VAV3: variants seen among roughly 807,000 people sequenced by gnomAD.
The protein encoded by VAV3 is guanine nucleotide exchange factor VAV3.
A neutral mutation model predicts 131.2 loss-of-function variants in VAV3; 94 were observed. The observed-to-expected ratio is 0.72, with a 90% CI of 0.61 to 0.85. The LOEUF (loss-of-function observed/expected upper bound fraction) is 0.85. Ranked by LOEUF, VAV3 falls within the 40% of genes least tolerant of loss-of-function variation. The pLI is 0.00. For synonymous variants in VAV3, 349 were observed against 342.0 expected, an observed-to-expected ratio of 1.02 and a Z score of -0.22; for missense variants, 939 against 1,002.7, an observed-to-expected ratio of 0.94 and a Z score of 0.86.
chr1:107,820,956 A>G (rs190765507), intron 2 of VAV3: 1 of 152,344 alleles, frequency 6.6e-6, no homozygotes, highest in Non-Finnish European at 1.5e-5. Context: ...GACTGAAGGT[A>G]TAAAAAGGCA....
rs555629121 is a variant in VAV3, at chr1:107,799,540, T to C, written c.322-20048A>G. On this transcript the variant is annotated intron_variant, in intron 2 of 26. Transcript: ENST00000370056. ...AATATAGTAACTTACTTTCCACCAA[T>C]AATTTTTCCTTGAAAAATTTTTATT... 3.9e-5 allele frequency among the ~76,000 whole-genome samples: 6 copies of C among 152,258 alleles called. No homozygotes were observed. In the East Asian group the frequency reaches 5.8e-4, roughly 15 times the overall value.
chr1:107,738,313 C>T (rs1469094024), intron 15 of VAV3, among the ~76,000 whole-genome samples: 1 of 152,078 alleles, frequency 6.6e-6, no homozygotes, highest in Non-Finnish European at 1.5e-5. Flanking sequence ...CGTAACAAAC[C>T]TGCACGTTGT....
At position 107,658,894 on chromosome 1, in the gene VAV3, T is replaced by G. The variant is rs6689212; in HGVS notation, c.1778-16139A>C. On this transcript the variant is annotated intron_variant, in intron 19 of 26. Transcript: ENST00000370056. ...GTTGCAAAAATTTTCTCCCATTCTGTAGGTTGTCTGTTCACTCTGATGGTG... is the reference window on the plus strand; with the variant it reads ...GTTGCAAAAATTTTCTCCCATTCTGGAGGTTGTCTGTTCACTCTGATGGTG... Among the ~76,000 whole-genome samples the G allele has an allele frequency of 9.1e-3, 1,387 of 152,226 alleles. 11 individuals are homozygous for G. Among genetic ancestry groups the G allele is most frequent in the African/African-American group, 0.028 (1,169 of 41,512 alleles).
intron 1 of VAV3, among the ~76,000 whole-genome samples, chr1:107,914,146 T>C (rs1352989081): frequency 6.6e-6 from 1 of 152,166 alleles, no homozygotes. Flanking sequence ...ACAGAGATGA[T>C]AGGCAGATAG....
chr1:107,637,748 A>G (rs1484159970), intron 20 of VAV3, among the ~76,000 whole-genome samples: 2 of 152,164 alleles, frequency 1.3e-5, no homozygotes, highest in Non-Finnish European at 2.9e-5. Context: ...AATTCTATAA[A>G]TCTCTTTTAG....
chr1:107,623,747 C>A (rs150271681), intron 20 of VAV3, among the ~76,000 whole-genome samples: 140 of 152,212 alleles, frequency 9.2e-4, no homozygotes, highest in African/African-American at 3.2e-3. Context: ...AGAACAAAAC[C>A]ATAAGCTATG....
chr1:107,617,401 T>C (rs1339676272), intron 21 of VAV3, among the ~76,000 whole-genome samples, 166 bp downstream of exon 21: 2 of 152,172 alleles, frequency 1.3e-5, no homozygotes, highest in African/African-American at 4.8e-5. Flanking sequence ...TTAAAAAACA[T>C]ATTCTGACAA....
chr1:107,926,141 G>T (rs1243660318), intron 1 of VAV3, among the ~76,000 whole-genome samples: 2 of 151,968 alleles, frequency 1.3e-5, no homozygotes, highest in East Asian at 3.9e-4. Context: ...AATTAGCCAG[G>T]CATGGTGGCA....
intron 19 of VAV3, among the ~76,000 whole-genome samples, chr1:107,681,045 T>C (rs1181036261): frequency 6.6e-6 from 1 of 152,200 alleles, no homozygotes; most frequent in African/African-American, 2.4e-5. Context: ...ATGCATTAAG[T>C]TCCTTTCCAG....
chr1:107,632,289 T>C (rs941439702), intron 20 of VAV3, among the ~76,000 whole-genome samples: 19 of 152,188 alleles, frequency 1.2e-4, no homozygotes, highest in African/African-American at 4.6e-4. Context: ...ATCTGTGTCT[T>C]AATCTCTGGA....
intron 2 of VAV3, among the ~76,000 whole-genome samples, chr1:107,806,023 TACTGAAAAGCC>T (rs1667045698): frequency 6.6e-6 from 1 of 152,068 alleles, no homozygotes; most frequent in African/African-American, 2.4e-5. Flanking sequence ...TATAGCATGG[TACTGAAAAGCC>T]ACTGACTTGG....
Position 107,785,970 on chromosome 1 carries a change from C to T in VAV3, c.322-6478G>A, listed in dbSNP as rs149454766. Among the ~76,000 whole-genome samples the T allele has an allele frequency of 1.1e-4, 17 of 152,336 alleles. No homozygotes were observed. In the East Asian group the frequency reaches 2.9e-3, roughly 26 times the overall value. On this transcript the variant is annotated intron_variant, in intron 2 of 26. Coordinates refer to ENST00000370056, the MANE Select transcript of VAV3 (RefSeq NM_006113.5). ...AGTAAATTACCCCCATTAGGATACACTACAGCTTAGTGTCACTTCCAGCAA... is the reference window on the plus strand; with the variant it reads ...AGTAAATTACCCCCATTAGGATACATTACAGCTTAGTGTCACTTCCAGCAA...
chr1:107,593,925 T>G (rs962150127), intron 25 of VAV3, among the ~76,000 whole-genome samples: 1 of 152,096 alleles, frequency 6.6e-6, no homozygotes, highest in African/African-American at 2.4e-5. Flanking sequence ...CAGTAACTTT[T>G]ACTGTTTACC....
intron 2 of VAV3, among the ~76,000 whole-genome samples, chr1:107,864,695 A>T (rs1038748235): frequency 2.6e-5 from 4 of 152,158 alleles, no homozygotes; most frequent in Admixed American, 2.6e-4. Context: ...CACTATTTCA[A>T]ATGGGTTTCC....
chr1:107,850,995 G>A (rs6668155), intron 2 of VAV3, among the ~76,000 whole-genome samples: 6,125 of 151,986 alleles, frequency 0.04, 281 homozygotes, highest in African/African-American at 0.11. Context: ...ATTCTAGGTG[G>A]CAATAAGCAG....
At chr1:107,653,844 T>C (rs538894697) in intron 19 of VAV3, among the ~76,000 whole-genome samples, 34 of 152,188 alleles carry the variant, frequency 2.2e-4, no homozygotes, top group African/African-American at 7.7e-4. Context: ...TACCTATGAA[T>C]ATACATTAAC....
At position 107,749,602 on chromosome 1, in the gene VAV3, A is replaced by AG. The variant is rs770883089; in HGVS notation, c.1260-9_1260-8insC. 1 of 1,608,120 alleles carries AG rather than the reference A, an allele frequency of 6.2e-7. No homozygotes were observed. Among genetic ancestry groups the AG allele is most frequent in the Non-Finnish European group, 8.5e-7 (1 of 1,178,614 alleles). On this transcript the variant is annotated splice_polypyrimidine_tract_variant and intron_variant, in intron 13 of 26. Transcript: ENST00000370056. Reference sequence around the variant, plus strand: ...TCAAATAAGAAGATATGCCTGGGAAAAAGAGATTGATTGATTGATTTTAAA... The same window carrying AG: ...TCAAATAAGAAGATATGCCTGGGAAAGAAGAGATTGATTGATTGATTTTAAA...
At position 107,624,858 on chromosome 1, in the gene VAV3, G is replaced by A. The variant is rs114150183; in HGVS notation, c.1915-7226C>T. On this transcript the variant is annotated intron_variant, in intron 20 of 26. Coordinates refer to ENST00000370056, the MANE Select transcript of VAV3 (RefSeq NM_006113.5). Reference sequence around the variant, plus strand: ...ACTAAGGAATTAAAAATGAATAGACGTGGACACAATCTTCAAGGATCTCAT... The same window carrying A: ...ACTAAGGAATTAAAAATGAATAGACATGGACACAATCTTCAAGGATCTCAT... Among the ~76,000 whole-genome samples the A allele has an allele frequency of 2.8e-3, 425 of 152,272 alleles. 2 individuals are homozygous for A. The highest frequency in any genetic ancestry group is 9.9e-3 in the African/African-American group (410 of 41,548).
intron 19 of VAV3, among the ~76,000 whole-genome samples, chr1:107,679,378 A>C (rs1658444784): frequency 6.6e-6 from 1 of 152,160 alleles, no homozygotes; most frequent in Admixed American, 6.5e-5. Flanking sequence ...GGTTATCACA[A>C]AGCACAAGAA....
Sources: allele counts gnomAD v4.1 joint callset (sites outside exome capture counted in the v4.1 genomes callset), GRCh38; gene constraint gnomAD v4.1.1; transcripts MANE v1.5; gene names NCBI Gene and HGNC (gene_info 2026-07-23, HGNC 2026-07-21).